COL21A1: variants seen among roughly 807,000 people sequenced by gnomAD.
COL21A1 encodes the protein collagen alpha-1(XXI) chain.
A neutral mutation model predicts 137.9 loss-of-function variants in COL21A1; 149 were observed. The observed-to-expected ratio is 1.08, with a 90% confidence interval of 0.95 to 1.24. COL21A1 has a LOEUF of 1.24. COL21A1 is among the 50% of genes most tolerant of loss of function. The pLI, the probability that COL21A1 is intolerant of heterozygous loss-of-function variation, is 0.00. For synonymous variants in COL21A1, 456 were observed against 391.5 expected (o/e 1.16, Z -1.95); for missense variants, 1,167 against 1,158.4 (o/e 1.01, Z -0.11).
chr6:56,237,867 G>A (rs983894492), intron 1 of COL21A1, among the ~76,000 whole-genome samples: 1 of 152,104 alleles, frequency 6.6e-6, no homozygotes, highest in Non-Finnish European at 1.5e-5. Context: ...GAGATGTATA[G>A]TCTAAAAGTA....
chr6:56,172,608 G>A (rs1371419128), intron 3 of COL21A1, among the ~76,000 whole-genome samples: 1 of 152,056 alleles, frequency 6.6e-6, no homozygotes, highest in African/African-American at 2.4e-5. Flanking sequence ...TCAGATAAAA[G>A]TAAATATATA....
intron 10 of COL21A1, among the ~76,000 whole-genome samples, chr6:56,154,493 A>G (rs746426440): frequency 2.0e-5 from 3 of 151,840 alleles, no homozygotes; most frequent in Non-Finnish European, 4.4e-5. Flanking sequence ...TCTTCCTTTC[A>G]TATCCTATAT....
intron 17 of COL21A1, among the ~76,000 whole-genome samples, chr6:56,100,067 G>A (rs1255103366): frequency 6.6e-6 from 1 of 152,186 alleles, no homozygotes; most frequent in Non-Finnish European, 1.5e-5. Flanking sequence ...TGCAGTCAAG[G>A]TTCTCCATTT....
chr6:56,120,201 G>GA (rs898023509), intron 16 of COL21A1, among the ~76,000 whole-genome samples: 10 of 151,744 alleles, frequency 6.6e-5, no homozygotes, highest in South Asian at 4.2e-4. Flanking sequence ...GGACTCTGTA[G>GA]AAAAAAAATC....
At chr6:56,209,955 G>A (rs1423541384) in intron 1 of COL21A1, among the ~76,000 whole-genome samples, 1 of 152,128 alleles carries the variant, frequency 6.6e-6, no homozygotes, top group Admixed American at 6.5e-5. Flanking sequence ...CATAAAGAAG[G>A]AGGAGTTCAT....
intron 16 of COL21A1, among the ~76,000 whole-genome samples, chr6:56,110,027 C>T (rs1472992069): frequency 1.3e-5 from 2 of 151,588 alleles, no homozygotes; most frequent in African/African-American, 4.8e-5. Context: ...AAAAATATCA[C>T]GAAAAAGAAA....
chr6:56,168,273 G>A lies in COL21A1; in HGVS notation c.1051C>T (p.Gln351Ter). The change falls in exon 6 of 30, where the codon CAA (glutamine) becomes TAA (stop). Residue 351 changes from glutamine to a stop codon, truncating the protein, a stop_gained. Transcript: ENST00000244728. LOFTEE classifies it high-confidence loss of function. ...VKTLFDEGWH[Q>*]IRLLVTEQDV... ...TGTTCTGTTACTAAGAGACGAATTT[G>A]GTGCCAGCCTTCATCAAACAACGTC... 3 of 1,542,424 alleles carry A rather than the reference G, an allele frequency of 1.9e-6. No homozygotes were observed. The highest frequency in any genetic ancestry group is 1.3e-5 in the South Asian group (1 of 76,938).
intron 12 of COL21A1, among the ~76,000 whole-genome samples, chr6:56,139,292 T>G (rs1774227329): frequency 6.6e-6 from 1 of 152,190 alleles, no homozygotes; most frequent in Non-Finnish European, 1.5e-5. Context: ...CATGTCCTCA[T>G]TTAATCTTCA....
At chr6:56,358,615 T>C (rs1336424057) in intron 1 of COL21A1, among the ~76,000 whole-genome samples, 2 of 152,194 alleles carry the variant, frequency 1.3e-5, no homozygotes, top group East Asian at 1.9e-4. Context: ...TTCAATTCTG[T>C]ATGTTTTTAA....
chr6:56,311,877 T>A (rs572891580), intron 1 of COL21A1, among the ~76,000 whole-genome samples: 1 of 152,332 alleles, frequency 6.6e-6, no homozygotes, highest in South Asian at 2.1e-4. Flanking sequence ...ACACTTATCC[T>A]AATGCAATAT....
chr6:56,077,853 ATAAAAT>A lies in COL21A1; in HGVS notation c.1813-286_1813-281del, dbSNP rs1291310714. ...GTTCTTGCACCCCAACACATGAGTG[ATAAAAT>A]TAAAATGATGTTTCATTTGAACACA... On this transcript the variant is annotated intron_variant, in intron 17 of 29. Transcript: ENST00000244728. 4 of 393,648 alleles carry A rather than the reference ATAAAAT, an allele frequency of 1.0e-5. No homozygotes were observed. The Admixed American group carries it at 1.6e-4, about 16-fold the overall frequency. 24.4% of individuals were successfully genotyped at this position (393,648 alleles called of 1,614,324 possible).
At chr6:56,369,865 CA>C (rs1766191191) in intron 1 of COL21A1, among the ~76,000 whole-genome samples, 1 of 152,126 alleles carries the variant, frequency 6.6e-6, no homozygotes, top group Non-Finnish European at 1.5e-5. Flanking sequence ...AGTGAATGTA[CA>C]GCTATTAAAG....
intron 16 of COL21A1, among the ~76,000 whole-genome samples, chr6:56,122,148 A>G (rs989572429): frequency 6.0e-5 from 9 of 150,510 alleles, no homozygotes; most frequent in Admixed American, 4.0e-4. Context: ...TGAAAGAACA[A>G]AAGGCCATAT....
intron 17 of COL21A1, among the ~76,000 whole-genome samples, chr6:56,086,433 G>C (rs12198686): frequency 0.15 from 23,083 of 152,040 alleles, 1,774 homozygotes; most frequent in Middle Eastern, 0.22. Context: ...ACGTGTTTTG[G>C]ATGTTATATG....
At chr6:56,272,085 GC>G (rs1370614333) in intron 1 of COL21A1, among the ~76,000 whole-genome samples, 1 of 152,122 alleles carries the variant, frequency 6.6e-6, no homozygotes, top group Non-Finnish European at 1.5e-5. Context: ...GCCTACTGGA[GC>G]TGTGAGAAGA....
At chr6:56,306,732 G>A (rs542795674) in intron 1 of COL21A1, among the ~76,000 whole-genome samples, 77 of 151,082 alleles carry the variant, frequency 5.1e-4, no homozygotes, top group Non-Finnish European at 8.1e-4. Context: ...CTCTCAACTC[G>A]TCAAAGTCAT....
At chr6:56,283,356 A>G (rs1047086595) in intron 1 of COL21A1, among the ~76,000 whole-genome samples, 1 of 152,154 alleles carries the variant, frequency 6.6e-6, no homozygotes, top group Non-Finnish European at 1.5e-5. Context: ...TAGAAAAAAA[A>G]TCTCATCATA....
intron 17 of COL21A1, among the ~76,000 whole-genome samples, chr6:56,096,241 C>T (rs751117070): frequency 2.0e-5 from 3 of 152,270 alleles, no homozygotes; most frequent in Non-Finnish European, 2.9e-5. Context: ...CAGGCTCCCC[C>T]CATACCTATG....
intron 1 of COL21A1, among the ~76,000 whole-genome samples, chr6:56,318,203 C>T (rs1562053086): frequency 6.6e-6 from 1 of 152,146 alleles, no homozygotes; most frequent in Admixed American, 6.6e-5. Context: ...TGCATACAAC[C>T]TCAAACCCCT....
Sources: allele counts gnomAD v4.1 joint callset (sites outside exome capture counted in the v4.1 genomes callset), GRCh38; gene constraint gnomAD v4.1.1; transcripts MANE v1.5; gene names NCBI Gene and HGNC (gene_info 2026-07-23, HGNC 2026-07-21).